Variants in MAGI3 observed in about 807,000 individuals in gnomAD.
MAGI3 encodes the protein membrane associated guanylate kinase, WW and PDZ domain containing 3, also known as membrane-associated guanylate kinase, WW and PDZ domain-containing protein 3.
MAGI3 carries 43 observed loss-of-function variants against 121.8 expected under a neutral mutation model. That is an observed-to-expected ratio of 0.35 (90% CI 0.28 to 0.46). The LOEUF (loss-of-function observed/expected upper bound fraction) is 0.46. Among genes scored for constraint, MAGI3 ranks in the 20% least tolerant of loss-of-function variants. The probability of loss-of-function intolerance (pLI) is 1.00; values close to 1 mark genes in which losing one functional copy is unlikely to be tolerated. For missense variants in MAGI3, 1,547 were observed against 1,797.3 expected (o/e 0.86, Z 2.52); for synonymous variants, 553 against 639.3 (o/e 0.86, Z 2.04).
intron 1 of MAGI3, among the ~76,000 whole-genome samples, chr1:113,474,076 T>C (rs548140090): frequency 6.6e-6 from 1 of 152,346 alleles, no homozygotes; most frequent in East Asian, 1.9e-4. Context: ...TTTTGAGACG[T>C]GTCTGTTCTT....
chr1:113,503,327 A>G (rs1414580280), intron 1 of MAGI3, among the ~76,000 whole-genome samples: 4 of 147,696 alleles, frequency 2.7e-5, no homozygotes, highest in Non-Finnish European at 6.0e-5. Flanking sequence ...AAAAAAAAAA[A>G]AAAAAAGGCT....
chr1:113,594,522 G>T lies in MAGI3; in HGVS notation c.980G>T (p.Cys327Phe). 1.2e-6 allele frequency: 2 copies of T among 1,613,442 alleles called. No individual in the cohort carries two copies. The highest frequency in any genetic ancestry group is 1.7e-6 in the Non-Finnish European group (2 of 1,179,656). The stretch of plus-strand genomic sequence containing the variant: ...ACCACCTGGTTGGATCCTCGTCTTT[G>T]TAAGAAAGCCAAAGCCCCTGAAGAC... ...KTTTWLDPRL[C>F]KKAKAPEDCE... Residue 327 changes from cysteine to phenylalanine, a missense_variant, in exon 6 of 21, where the codon TGT becomes TTT. Physicochemically the swap from Cys to Phe is radical, Grantham distance 205 (BLOSUM62 -2). Coordinates refer to ENST00000307546, the MANE Select transcript of MAGI3 (RefSeq NM_001142782.2).
chr1:113,633,371 C>T (rs1209124899), intron 9 of MAGI3, among the ~76,000 whole-genome samples: 2 of 145,794 alleles, frequency 1.4e-5, no homozygotes, highest in African/African-American at 5.1e-5. Context: ...ACGCCATTCT[C>T]CTGCCTCAGC....
intron 6 of MAGI3, among the ~76,000 whole-genome samples, chr1:113,610,572 C>T (rs1650058960): frequency 6.6e-6 from 1 of 152,136 alleles, no homozygotes; most frequent in Non-Finnish European, 1.5e-5. Flanking sequence ...TCCCTTCCTG[C>T]CTTCAACAGA....
At chr1:113,594,394 G>T in intron 5 of MAGI3, 87 bp from the exon 6 acceptor site, 1 of 866,004 alleles carries the variant, frequency 1.2e-6, no homozygotes, top group Non-Finnish European at 1.8e-6. Flanking sequence ...CAAACATCAT[G>T]TCTTTTAGTC....
intron 9 of MAGI3, among the ~76,000 whole-genome samples, chr1:113,641,506 A>G (rs1193910234): frequency 2.0e-5 from 3 of 152,096 alleles, no homozygotes; most frequent in African/African-American, 7.2e-5. Flanking sequence ...ATTTATTCAA[A>G]AAATATAATA....
chr1:113,560,546 A>G (rs560570505), intron 2 of MAGI3, among the ~76,000 whole-genome samples: 16 of 152,232 alleles, frequency 1.1e-4, no homozygotes, highest in Non-Finnish European at 1.6e-4. Flanking sequence ...TAAGACAGAA[A>G]TCAAGAAGTT....
chr1:113,497,219 T>TG (rs1458748129), intron 1 of MAGI3, among the ~76,000 whole-genome samples: 1 of 145,102 alleles, frequency 6.9e-6, no homozygotes, highest in Admixed American at 7.0e-5. Flanking sequence ...ATCACACCAC[T>TG]GGAATAGGAA....
intron 3 of MAGI3, among the ~76,000 whole-genome samples, chr1:113,584,874 G>T (rs906222872): frequency 4.0e-5 from 6 of 151,408 alleles, no homozygotes; most frequent in Non-Finnish European, 7.4e-5. Flanking sequence ...GAGCACTTGA[G>T]AAATTAGTTC....
At chr1:113,594,640 C>CA (rs1346773688) in intron 6 of MAGI3, 80 bp downstream of exon 6, 1 of 1,224,988 alleles carries the variant, frequency 8.2e-7, no homozygotes, top group Admixed American at 2.2e-5. Context: ...ATGGGTTTTT[C>CA]AAAACCCTAA....
intron 6 of MAGI3, among the ~76,000 whole-genome samples, chr1:113,598,440 C>T (rs1458414952): frequency 6.6e-6 from 1 of 152,020 alleles, no homozygotes; most frequent in Non-Finnish European, 1.5e-5. Context: ...AGAGATTCAT[C>T]TAACACATAA....
At chr1:113,668,845 G>A (rs1272961354) in intron 16 of MAGI3, among the ~76,000 whole-genome samples, 2 of 151,552 alleles carry the variant, frequency 1.3e-5, no homozygotes, top group Non-Finnish European at 1.5e-5. Flanking sequence ...GCCTCCCAAA[G>A]TGCTGGGATT....
chr1:113,510,133 G>T (rs1029676286), intron 1 of MAGI3, among the ~76,000 whole-genome samples: 1 of 152,072 alleles, frequency 6.6e-6, no homozygotes, highest in Non-Finnish European at 1.5e-5. Context: ...GAGAGTTATG[G>T]TTTCTGTTGT....
chr1:113,612,872 AT>A (rs1317165992), intron 6 of MAGI3, among the ~76,000 whole-genome samples: 3 of 152,198 alleles, frequency 2.0e-5, no homozygotes, highest in Non-Finnish European at 4.4e-5. Context: ...TTTTTCAGAT[AT>A]CAAATGGACT....
At chr1:113,596,102 TA>T (rs1224740405) in intron 6 of MAGI3, among the ~76,000 whole-genome samples, 60 of 144,306 alleles carry the variant, frequency 4.2e-4, no homozygotes, top group African/African-American at 5.6e-4. Flanking sequence ...CAAAGAACCT[TA>T]AAAAAAAAAA....
chr1:113,413,431 T>C (rs1204681662), intron 1 of MAGI3, among the ~76,000 whole-genome samples: 1 of 152,208 alleles, frequency 6.6e-6, no homozygotes, highest in Non-Finnish European at 1.5e-5. Context: ...ATTGGTAGCT[T>C]CATGGGGATG....
intron 1 of MAGI3, among the ~76,000 whole-genome samples, chr1:113,465,827 T>G (rs1238300092): frequency 6.6e-6 from 1 of 152,178 alleles, no homozygotes; most frequent in Non-Finnish European, 1.5e-5. Flanking sequence ...TAAAGGCTAC[T>G]GATTTTTGTA....
intron 6 of MAGI3, among the ~76,000 whole-genome samples, chr1:113,611,109 C>T (rs1394391794): frequency 7.2e-6 from 1 of 139,116 alleles, no homozygotes; most frequent in Non-Finnish European, 1.5e-5. Flanking sequence ...TTTTTTGAGA[C>T]AGACTCTCAC....
intron 7 of MAGI3, among the ~76,000 whole-genome samples, chr1:113,617,376 A>T (rs1337185197): frequency 2.6e-5 from 4 of 152,218 alleles, no homozygotes; most frequent in Admixed American, 2.6e-4. Context: ...GTTATTTGGA[A>T]AACAAAATTT....
Sources: gnomAD v4.1 joint callset for allele counts (sites outside exome capture counted in the v4.1 genomes callset) on GRCh38, gnomAD v4.1.1 for gene constraint, MANE v1.5 for transcripts, NCBI Gene and HGNC (gene_info 2026-07-23, HGNC 2026-07-21) for gene names.